DIS3L2: variants seen among roughly 807,000 people sequenced by gnomAD.
DIS3L2 encodes the protein DIS3 like 3'-5' exoribonuclease 2, also known as DIS3-like exonuclease 2.
A neutral mutation model predicts 97.5 loss-of-function variants in DIS3L2; 34 were observed. The ratio of observed to expected loss-of-function variants is 0.35; its 90% CI spans 0.27 to 0.46. DIS3L2 has a LOEUF of 0.46. Among genes scored for constraint, DIS3L2 ranks in the 20% least tolerant of loss-of-function variants. DIS3L2 has a pLI of 1.00. For synonymous variants in DIS3L2, 435 were observed against 445.2 expected (o/e 0.98, Z 0.29); for missense variants, 1,038 against 1,146.0 (o/e 0.91, Z 1.36).
At chr2:232,264,977 C>T (rs1693816551) in intron 13 of DIS3L2, among the ~76,000 whole-genome samples, 2 of 152,120 alleles carry the variant, frequency 1.3e-5, no homozygotes, top group African/African-American at 2.4e-5. Flanking sequence ...AGAGGCAGAG[C>T]GGATGCTGAA....
chr2:232,336,002 T>C (rs1026163896), intron 20 of DIS3L2, 128 bp downstream of exon 20: 1 of 1,526,084 alleles, frequency 6.6e-7, no homozygotes, highest in African/African-American at 1.4e-5. Context: ...GGGTGGGGTT[T>C]TAGGGCCCTC....
At chr2:231,961,975 A>G (rs545864012) in intron 1 of DIS3L2, among the ~76,000 whole-genome samples, 105 of 150,886 alleles carry the variant, frequency 7.0e-4, no homozygotes, top group African/African-American at 2.4e-3. Context: ...CCAGCTCCCC[A>G]CTCTCCGCTC....
At chr2:232,015,489 G>A in intron 2 of DIS3L2, 25 bp from the exon 3 acceptor site, 2 of 1,607,742 alleles carry the variant, frequency 1.2e-6, no homozygotes, top group Non-Finnish European at 1.7e-6. Context: ...TGAGGAAAGA[G>A]TTGATTGCTG....
intron 5 of DIS3L2, among the ~76,000 whole-genome samples, chr2:232,050,028 T>G (rs1559573876): frequency 6.6e-6 from 1 of 152,184 alleles, no homozygotes; most frequent in Non-Finnish European, 1.5e-5. Context: ...TTCTGCAGTT[T>G]GTTTTCTACC....
chr2:232,062,620 G>A (rs1403528153), intron 5 of DIS3L2, among the ~76,000 whole-genome samples: 1 of 152,046 alleles, frequency 6.6e-6, no homozygotes, highest in South Asian at 2.1e-4. Context: ...ACCTCATCCT[G>A]TAACTTTCTC....
At position 232,268,666 on chromosome 2, in the gene DIS3L2, AT is replaced by A. The variant is rs1693909096; in HGVS notation, c.1659+5229del. 6.6e-6 allele frequency among the ~76,000 whole-genome samples: 1 copy of A among 152,240 alleles called. No homozygotes were observed. Among genetic ancestry groups the A allele is most frequent in the African/African-American group, 2.4e-5 (1 of 41,458 alleles). ...TTCTTCCTTTGATTATTTTTCAGCC[AT>A]TTAAAAATGCATAAACCAGTCTTAG... On this transcript the variant is annotated intron_variant, in intron 13 of 20. Transcript: ENST00000325385. The surrounding 1 kb of genome is among the most constrained non-coding windows in gnomAD (Gnocchi z 4.1).
At chr2:232,126,498 C>T (rs1698067577) in intron 6 of DIS3L2, among the ~76,000 whole-genome samples, 1 of 152,134 alleles carries the variant, frequency 6.6e-6, no homozygotes, top group South Asian at 2.1e-4. Flanking sequence ...CCAGGATGAG[C>T]GATCAAGGTC....
intron 15 of DIS3L2, 71 bp from the exon 16 acceptor site, chr2:232,330,619 G>C: frequency 6.6e-7 from 1 of 1,510,778 alleles, no homozygotes; most frequent in South Asian, 1.1e-5. Context: ...GGTGCTCAGC[G>C]GATGACAGGG....
chr2:232,343,064 G>A (rs948601501), intron 13 of DIS3L2: 11 of 385,064 alleles, frequency 2.9e-5, no homozygotes, highest in African/African-American at 1.8e-4. Context: ...GCATCACACT[G>A]CTCTGCTGTC....
intron 9 of DIS3L2, among the ~76,000 whole-genome samples, chr2:232,166,326 CCA>C (rs144019112): frequency 2.0e-5 from 3 of 151,430 alleles, no homozygotes; most frequent in Admixed American, 6.6e-5. Flanking sequence ...AATACACACA[CCA>C]CACACACACA....
chr2:232,243,660 C>G (rs1237433537), intron 11 of DIS3L2, among the ~76,000 whole-genome samples: 1 of 152,222 alleles, frequency 6.6e-6, no homozygotes, highest in Non-Finnish European at 1.5e-5. Context: ...ACATTCTGAA[C>G]AAGCAGCATT....
At chr2:232,218,137 G>A (rs985601747) in intron 10 of DIS3L2, among the ~76,000 whole-genome samples, 4 of 152,190 alleles carry the variant, frequency 2.6e-5, no homozygotes, top group African/African-American at 4.8e-5. Flanking sequence ...GGTGAAAGGA[G>A]GGCAGGAGAA....
intron 6 of DIS3L2, among the ~76,000 whole-genome samples, chr2:232,108,415 TATC>T (rs1457731711): frequency 6.6e-6 from 1 of 152,192 alleles, no homozygotes; most frequent in African/African-American, 2.4e-5. Context: ...CCATAGCTAA[TATC>T]ATACAGAATG....
chr2:232,112,558 G>A (rs1447141423), intron 6 of DIS3L2, among the ~76,000 whole-genome samples: 1 of 152,052 alleles, frequency 6.6e-6, no homozygotes, highest in Non-Finnish European at 1.5e-5. Context: ...TTGTCCCCAG[G>A]GCCTTGCTTA....
chr2:232,186,662 T>C (rs1691444628), intron 9 of DIS3L2, among the ~76,000 whole-genome samples: 4 of 152,168 alleles, frequency 2.6e-5, no homozygotes, highest in Admixed American at 6.5e-5. Context: ...TTTTAGCTAA[T>C]CAAATCCAGC....
At chr2:232,093,202 C>T (rs1696897463) in intron 6 of DIS3L2, among the ~76,000 whole-genome samples, 1 of 151,978 alleles carries the variant, frequency 6.6e-6, no homozygotes, top group Admixed American at 6.6e-5. Context: ...GATTGGTTTG[C>T]GTATGTTGAG....
At chr2:231,989,723 C>T (rs989785948) in intron 1 of DIS3L2, among the ~76,000 whole-genome samples, 4 of 152,058 alleles carry the variant, frequency 2.6e-5, no homozygotes, top group African/African-American at 7.2e-5. Flanking sequence ...ATAGTCCCAG[C>T]TACTCGGGAG....
intron 13 of DIS3L2, among the ~76,000 whole-genome samples, chr2:232,264,263 A>G (rs942905773): frequency 6.6e-6 from 1 of 152,354 alleles, no homozygotes; most frequent in African/African-American, 2.4e-5. Flanking sequence ...GGTTCCTAAC[A>G]GGTCATGGAC....
chr2:232,241,645 A>G (rs1042085690), intron 11 of DIS3L2, among the ~76,000 whole-genome samples: 2 of 152,360 alleles, frequency 1.3e-5, no homozygotes, highest in Admixed American at 1.3e-4. Context: ...AATATCAGGA[A>G]AAAACTTTTT....
Sources: allele counts gnomAD v4.1 joint callset (sites outside exome capture counted in the v4.1 genomes callset), GRCh38; gene constraint gnomAD v4.1.1; non-coding constraint Gnocchi (gnomAD v3.1); transcripts MANE v1.5; gene names NCBI Gene and HGNC (gene_info 2026-07-23, HGNC 2026-07-21).